Variants in SLCO1B1 observed in about 807,000 individuals in gnomAD.
SLCO1B1 encodes the protein solute carrier organic anion transporter family member 1B1.
Under a neutral mutation model 70.1 loss-of-function variants are expected in SLCO1B1, and 81 were observed. The ratio of observed to expected loss-of-function variants is 1.16; its 90% CI spans 0.97 to 1.39. The LOEUF (loss-of-function observed/expected upper bound fraction) is 1.39. Ranked by LOEUF, SLCO1B1 falls within the 40% of genes most tolerant of loss-of-function variation. SLCO1B1 has a pLI of 0.00. For missense variants in SLCO1B1, 895 were observed against 799.6 expected, an observed-to-expected ratio of 1.12 and a Z score of -1.44; for synonymous variants, 283 against 271.5, an observed-to-expected ratio of 1.04 and a Z score of -0.42.
At chr12:21,184,820 G>C (rs1014183024) in intron 7 of SLCO1B1, among the ~76,000 whole-genome samples, 1 of 152,074 alleles carries the variant, frequency 6.6e-6, no homozygotes, top group African/African-American at 2.4e-5. Flanking sequence ...TGAGTGACAA[G>C]CTTCATAAGT....
intron 9 of SLCO1B1, among the ~76,000 whole-genome samples, chr12:21,202,120 A>G (rs1328049499): frequency 1.3e-5 from 2 of 152,152 alleles, no homozygotes; most frequent in Non-Finnish European, 2.9e-5. Context: ...CAGAAAACCA[A>G]ACACTGCATG....
At chr12:21,139,083 T>C (rs1940270703) in intron 1 of SLCO1B1, among the ~76,000 whole-genome samples, 1 of 152,094 alleles carries the variant, frequency 6.6e-6, no homozygotes, top group Non-Finnish European at 1.5e-5. Flanking sequence ...GACAATAGCC[T>C]TCAAGACATC....
chr12:21,176,956 C>T, intron 5 of SLCO1B1, 59 bp downstream of exon 5: 1 of 1,315,696 alleles, frequency 7.6e-7, no homozygotes, highest in Non-Finnish European at 1.1e-6. Context: ...AATTACATCT[C>T]TAAAAATTGT....
chr12:21,162,017 A>G (rs1448522377), intron 2 of SLCO1B1, among the ~76,000 whole-genome samples: 2 of 151,832 alleles, frequency 1.3e-5, no homozygotes, highest in Non-Finnish European at 2.9e-5. Context: ...CAAAAAATAC[A>G]TATAAAATAA....
At chr12:21,222,252 T>C in intron 12 of SLCO1B1, 48 bp from the exon 13 acceptor site, 4 of 945,114 alleles carry the variant, frequency 4.2e-6, no homozygotes. Context: ...TGTTTCGTTT[T>C]GATATTTTAA....
At chr12:21,215,665 ATGT>A (rs758664397) in intron 11 of SLCO1B1, among the ~76,000 whole-genome samples, 43 of 152,000 alleles carry the variant, frequency 2.8e-4, no homozygotes, top group African/African-American at 5.3e-4. Context: ...TTTGTTTTTG[ATGT>A]TGTTGTTGTT....
At chr12:21,226,045 A>G (rs1157080154) in intron 14 of SLCO1B1, among the ~76,000 whole-genome samples, 1 of 152,252 alleles carries the variant, frequency 6.6e-6, no homozygotes, top group African/African-American at 2.4e-5. Context: ...CAGCAATAAA[A>G]AGAAGTGACC....
rs757557255 is a variant in SLCO1B1 at position 21,222,361 on chromosome 12, C to T, written c.1744C>T (p.Leu582=). ...TTTCCACTCAATGGTTATACGAGCA[C>T]TAGGTATGATGAAAAAAAAAAAAAA... The part of the protein sequence containing the change: ...LGFHSMVIRA[L]GGILAPIYFG... Residue 582 remains leucine (L), a synonymous_variant, in exon 13 of 15, where the codon CTA becomes TTA. Transcript: ENST00000256958. 5.8e-6 allele frequency: 2 copies of T among 342,370 alleles called. No homozygotes were observed. The highest frequency in any genetic ancestry group is 8.6e-5 in the South Asian group (2 of 23,366). 21.2% of individuals were successfully genotyped at this position (342,370 alleles called of 1,614,324 possible). A position where few individuals can be genotyped will look rare whatever the true frequency, so the allele number is the denominator to read the frequency against.
chr12:21,213,858 G>T (rs1369275624), intron 11 of SLCO1B1, among the ~76,000 whole-genome samples: 1 of 148,414 alleles, frequency 6.7e-6, no homozygotes, highest in African/African-American at 2.5e-5. Context: ...TGATCGCATC[G>T]GCTCCTGAGG....
chr12:21,137,729 C>T (rs892229349), intron 1 of SLCO1B1, among the ~76,000 whole-genome samples: 28 of 152,256 alleles, frequency 1.8e-4, no homozygotes, highest in African/African-American at 3.9e-4. Context: ...TTCCAGGTGC[C>T]GTCTGTCACC....
At chr12:21,138,233 A>T (rs970017587) in intron 1 of SLCO1B1, among the ~76,000 whole-genome samples, 2 of 152,174 alleles carry the variant, frequency 1.3e-5, no homozygotes, top group African/African-American at 4.8e-5. Context: ...TAACCTATTA[A>T]GTATTAAAAG....
At chr12:21,209,679 T>C (rs1181601947) in intron 11 of SLCO1B1, among the ~76,000 whole-genome samples, 13 of 149,790 alleles carry the variant, frequency 8.7e-5, no homozygotes, top group African/African-American at 1.3e-4. Context: ...CCACCAACAG[T>C]GTAAAAGTGT....
chr12:21,218,360 T>C (rs1941384670), intron 12 of SLCO1B1, among the ~76,000 whole-genome samples: 1 of 152,284 alleles, frequency 6.6e-6, no homozygotes, highest in African/African-American at 2.4e-5. Context: ...AAAATATACA[T>C]GTGTAAGTAT....
intron 2 of SLCO1B1, among the ~76,000 whole-genome samples, chr12:21,146,684 T>C (rs1470749823): frequency 1.3e-5 from 2 of 152,158 alleles, no homozygotes; most frequent in Non-Finnish European, 2.9e-5. Context: ...TTCAGATTTC[T>C]TTTGACTCAT....
intron 13 of SLCO1B1, among the ~76,000 whole-genome samples, chr12:21,223,237 G>A (rs546495438): frequency 1.3e-5 from 2 of 152,248 alleles, no homozygotes; most frequent in South Asian, 4.1e-4. Context: ...CTATTTCGAT[G>A]TATCCAATCT....
chr12:21,202,956 T>G, intron 10 of SLCO1B1, among the ~76,000 whole-genome samples: 1 of 152,108 alleles, frequency 6.6e-6, no homozygotes, highest in East Asian at 1.9e-4. Flanking sequence ...TTATCATTAT[T>G]TTATGAATGG....
In SLCO1B1 at chr12:21,187,840, C is replaced by T. The variant is rs560265870; in HGVS notation, c.727+8820C>T. 3.3e-5 allele frequency among the ~76,000 whole-genome samples: 5 copies of T among 152,138 alleles called. No individual in the cohort carries two copies. The South Asian group carries it at 1.0e-3, about 32-fold the overall frequency. The stretch of plus-strand genomic sequence containing the variant: ...TGAGGAGTAAAGAATTTCAAGATAT[C>T]GGTATTGGAGAAATTCAAGAGCTAA... On this transcript the variant is annotated intron_variant, in intron 7 of 14. Transcript: ENST00000256958.
intron 1 of SLCO1B1, among the ~76,000 whole-genome samples, chr12:21,132,449 C>A (rs1017804824): frequency 6.6e-6 from 1 of 152,222 alleles, no homozygotes; most frequent in African/African-American, 2.4e-5. Flanking sequence ...TACAGTCCCA[C>A]CAACAGTGTA....
intron 2 of SLCO1B1, among the ~76,000 whole-genome samples, chr12:21,143,110 A>G (rs1045253016): frequency 5.9e-5 from 9 of 152,134 alleles, no homozygotes; most frequent in Non-Finnish European, 1.3e-4. Flanking sequence ...TAAACTCAAC[A>G]ATCATTTTAC....
Sources: gnomAD v4.1 joint callset for allele counts (sites outside exome capture counted in the v4.1 genomes callset) on GRCh38, gnomAD v4.1.1 for gene constraint, MANE v1.5 for transcripts, NCBI Gene and HGNC (gene_info 2026-07-23, HGNC 2026-07-21) for gene names.